The following AGAP2 variants were observed in gnomAD, a reference collection of about 807,000 sequenced individuals.
AGAP2 encodes arf-GAP with GTPase, ANK repeat and PH domain-containing protein 2.
Under a neutral mutation model 110.9 loss-of-function variants are expected in AGAP2, and 32 were observed. The observed-to-expected ratio is 0.29, with a 90% confidence interval of 0.22 to 0.39. AGAP2 has a LOEUF of 0.39. Among genes scored for constraint, AGAP2 ranks in the 10% least tolerant of loss-of-function variants. AGAP2 has a pLI of 1.00. For synonymous variants in AGAP2, 702 were observed against 713.0 expected (o/e 0.98, Z 0.25); for missense variants, 1,285 against 1,638.5 (o/e 0.78, Z 3.72).
chr12:57,727,720 C>A lies in AGAP2; in HGVS notation c.2818G>T (p.Ala940Ser). The change falls in exon 16 of 19, where the codon GCC becomes TCC. Residue 940 changes from alanine (A) to serine (S), a missense_variant. By Grantham distance (99) the Ala-to-Ser change is moderately conservative. This residue lies in a region of AGAP2 where 39 missense variants were observed against 45.8 expected (regional missense o/e 0.85). Coordinates refer to ENST00000547588, the MANE Select transcript of AGAP2 (RefSeq NM_001122772.3). ...TCCACGCAGATTGAATTCCCCTTGG[C>A]GTTCCGGATCGCCTGGATGGCCACG... ...EAVAIQAIRN[A>S]KGNSICVDCG... 2 of 1,600,518 alleles carry A rather than the reference C, an allele frequency of 1.2e-6. No individual in the cohort carries two copies. The highest frequency in any genetic ancestry group is 1.1e-5 in the South Asian group (1 of 89,036).
rs1308506450 is a variant in AGAP2, at chr12:57,730,883, C to G, written c.2216G>C (p.Arg739Pro). ...AAAGGCAGAGATGGCCCTCGGGGGC[C>G]GCTTGCCCGGGACTTTGACTGTTGT... ...LRTTVKVPGK[R>P]PPRAISAFGP... The change falls in exon 11 of 19, where the codon CGG becomes CCG. Residue 739 changes from arginine to proline, a missense_variant. Arg to Pro is a moderately radical substitution (Grantham distance 103, BLOSUM62 -2). Coordinates refer to ENST00000547588, the MANE Select transcript of AGAP2 (RefSeq NM_001122772.3). 1 of 1,609,248 alleles carries G rather than the reference C, an allele frequency of 6.2e-7. No individual in the cohort carries two copies. Among genetic ancestry groups the G allele is most frequent in the Admixed American group, 1.7e-5 (1 of 59,286 alleles).
intron 1 of AGAP2, 95 bp from the exon 2 acceptor site, chr12:57,735,522 C>G (rs1035113382): frequency 1.2e-5 from 14 of 1,157,866 alleles, no homozygotes; most frequent in South Asian, 6.7e-5. Context: ...CTTTCCAACC[C>G]CCCCCCAACC....
chr12:57,734,505 C>A lies in AGAP2; in HGVS notation c.1315+87G>T, dbSNP rs954922715. 7 of 1,589,004 alleles carry A rather than the reference C, an allele frequency of 4.4e-6. No homozygotes were observed. The African/African-American group carries it at 5.4e-5, about 12-fold the overall frequency. On this transcript the variant is annotated intron_variant, in intron 3 of 18. Coordinates refer to ENST00000547588, the MANE Select transcript of AGAP2 (RefSeq NM_001122772.3). ...TGCTATTATGGCCTCATCCTTCCCC[C>A]CTGGTCTCCACACCTGCCTAATCAT... is the stretch of plus-strand genomic sequence containing the variant.
chr12:57,734,801 T>C (rs2140363501), intron 2 of AGAP2, 122 bp from the exon 3 acceptor site: 1 of 829,058 alleles, frequency 1.2e-6, no homozygotes, highest in East Asian at 2.5e-5. Flanking sequence ...AGGGCCTGGA[T>C]GACAGTCATT....
At chr12:57,741,289 A>C (rs1235809485), upstream of AGAP2, among the ~76,000 whole-genome samples, 1 of 152,122 alleles carries the variant, frequency 6.6e-6, no homozygotes, top group Non-Finnish European at 1.5e-5. Context: ...GTAGAGCGGA[A>C]GGTGTGTGGG....
chr12:57,724,558 T>C (rs1954731532), downstream of AGAP2: 1 of 152,230 alleles, frequency 6.6e-6, no homozygotes, highest in Non-Finnish European at 1.5e-5. Context: ...ACACTGAGTT[T>C]GTGGACACCA....
At chr12:57,733,952 C>A (rs1308237911) in intron 5 of AGAP2, 74 bp downstream of exon 5, 6 of 1,492,038 alleles carry the variant, frequency 4.0e-6, no homozygotes, top group East Asian at 4.6e-5. Flanking sequence ...CAAGTTCTCA[C>A]CCATGTTGGG....
chr12:57,727,336 C>A, intron 17 of AGAP2, 24 bp downstream of exon 17: 1 of 1,605,434 alleles, frequency 6.2e-7, no homozygotes, highest in Non-Finnish European at 8.5e-7. Context: ...CAACCCTCCC[C>A]CCGCTCTGTT....
At chr12:57,734,467 C>T in intron 3 of AGAP2, 63 bp from the exon 4 acceptor site, 8 of 1,593,692 alleles carry the variant, frequency 5.0e-6, no homozygotes, top group Non-Finnish European at 6.9e-6. Flanking sequence ...CCTCCCCATG[C>T]TCCCAGTGCT....
chr12:57,735,521 C>A (rs1288018512), intron 1 of AGAP2, 94 bp from the exon 2 acceptor site: 3 of 1,152,260 alleles, frequency 2.6e-6, no homozygotes, highest in Non-Finnish European at 3.8e-6. Context: ...GCTTTCCAAC[C>A]CCCCCCCAAC....
At position 57,728,888 on chromosome 12, in the gene AGAP2, G is replaced by A. The variant is rs189592235; in HGVS notation, c.2558-511C>T. On this transcript the variant is annotated intron_variant, in intron 13 of 18. Transcript: ENST00000547588. ...AAGTTATCGGGAGAAGGCCGGGCAC[G>A]GTGACTCATGCCTGTAATCCCCACC... Among the ~76,000 whole-genome samples, 61 of 152,224 alleles carry A rather than the reference G, an allele frequency of 4.0e-4. No homozygotes were observed. In the East Asian group the frequency reaches 7.3e-3, roughly 18 times the overall value.
At chr12:57,734,519 C>T in intron 3 of AGAP2, 73 bp downstream of exon 3, 1 of 1,591,528 alleles carries the variant, frequency 6.3e-7, no homozygotes, top group Non-Finnish European at 8.6e-7. Flanking sequence ...GTCTCCACAC[C>T]TGCCTAATCA....
intron 5 of AGAP2, among the ~76,000 whole-genome samples, 179 bp downstream of exon 5, chr12:57,733,847 G>A (rs1360515022): frequency 6.6e-6 from 1 of 152,146 alleles, no homozygotes; most frequent in African/African-American, 2.4e-5. Context: ...CTCAGACCTT[G>A]GGAAGTTATT....
chr12:57,728,308 C>T lies in AGAP2; in HGVS notation c.2617+10G>A, dbSNP rs1432961776. ...CAGCTGAGCGCCCCTCCCGGCTCCCCACTTGTTACCTGCTTTATAAATATT... is the reference window on the plus strand; with the variant it reads ...CAGCTGAGCGCCCCTCCCGGCTCCCTACTTGTTACCTGCTTTATAAATATT... On this transcript the variant is annotated intron_variant, in intron 14 of 18. Coordinates refer to ENST00000547588, the MANE Select transcript of AGAP2 (RefSeq NM_001122772.3). 1 of 1,613,730 alleles carries T rather than the reference C, an allele frequency of 6.2e-7. No individual in the cohort carries two copies. Among genetic ancestry groups the T allele is most frequent in the Non-Finnish European group, 8.5e-7 (1 of 1,179,778 alleles).
intron 6 of AGAP2, 59 bp from the exon 7 acceptor site, chr12:57,732,571 A>G: frequency 6.8e-7 from 1 of 1,472,126 alleles, no homozygotes; most frequent in Non-Finnish European, 9.3e-7. Flanking sequence ...CCACCCTTCC[A>G]TGCCCAGCTT....
In AGAP2 at chr12:57,729,312, C is replaced by G. The variant is rs569167869; in HGVS notation, c.2557+327G>C. Among the ~76,000 whole-genome samples the G allele has an allele frequency of 6.3e-3, 954 of 150,726 alleles. 12 individuals carry two copies. The highest frequency in any genetic ancestry group is 0.022 in the African/African-American group (902 of 40,954). Reference sequence around the variant, plus strand: ...AAGGGGCTGAATCACTGGGGATCAGCGGGGCTGCCGGGTGCAGGGGCTGGG... The same window carrying G: ...AAGGGGCTGAATCACTGGGGATCAGGGGGGCTGCCGGGTGCAGGGGCTGGG... On this transcript the variant is annotated intron_variant, in intron 13 of 18. Coordinates refer to ENST00000547588, the MANE Select transcript of AGAP2 (RefSeq NM_001122772.3).
Position 57,737,629 on chromosome 12 carries a change from C to T in AGAP2, c.618G>A (p.Ala206=). 2 of 1,547,322 alleles carry T rather than the reference C, an allele frequency of 1.3e-6. No homozygotes were observed. The highest frequency in any genetic ancestry group is 1.7e-6 in the Non-Finnish European group (2 of 1,146,714). The change falls in exon 1 of 19, where the codon GCG becomes GCA. Residue 206 remains alanine (A), a synonymous_variant. Transcript: ENST00000547588. This position sits in a 1 kb window ranked among gnomAD's most constrained non-coding sequence, Gnocchi z 5.9. ...TTTCGGGCCATGACAGGCGGCTACC[C>T]GCGCCCTTGCCCCCGCCGGCTTTGG... is the stretch of plus-strand genomic sequence containing the variant. ...SGAKAGGGKG[A]GSRLSWPESE... is the part of the protein sequence containing the mutation.
chr12:57,741,273 A>G (rs1052041335), upstream of AGAP2, among the ~76,000 whole-genome samples: 9 of 152,232 alleles, frequency 5.9e-5, no homozygotes, highest in African/African-American at 2.2e-4. Flanking sequence ...TAATGGCACT[A>G]AGGAGGTAGA....
rs1317637769 is a variant in AGAP2, at chr12:57,725,324, A to T, written c.*1228T>A. On this transcript the variant is annotated 3_prime_UTR_variant, in exon 19 of 19. Coordinates refer to ENST00000547588, the MANE Select transcript of AGAP2 (RefSeq NM_001122772.3). ...TCCCCAATTACCTGGTCCTTTGCAA[A>T]CTATTTTAGCCAGAAAAAAAAAAAA... is the stretch of plus-strand genomic sequence containing the variant. The T allele has an allele frequency of 7.3e-6, 1 of 137,904 alleles. No individual in the cohort carries two copies. The highest frequency in any genetic ancestry group is 1.5e-5 in the Non-Finnish European group (1 of 65,062). The allele number at this position is 137,904 out of a possible 1,614,324, so 8.5% of individuals were successfully genotyped here.
Sources: allele counts gnomAD v4.1 joint callset (sites outside exome capture counted in the v4.1 genomes callset), GRCh38; gene constraint gnomAD v4.1.1; regional missense constraint gnomAD v4.1.1; non-coding constraint Gnocchi (gnomAD v3.1); transcripts MANE v1.5; gene names NCBI Gene and HGNC (gene_info 2026-07-23, HGNC 2026-07-21).